Variants in DLEU7 observed in about 807,000 individuals in gnomAD.
DLEU7 encodes the protein deleted in lymphocytic leukemia 7.
In DLEU7, 17 loss-of-function variants were observed where a neutral mutation model predicts 16.0. The observed-to-expected ratio is 1.06, with a 90% CI of 0.73 to 1.59. DLEU7 has a LOEUF of 1.59. Ranked by LOEUF, DLEU7 falls within the 40% of genes most tolerant of loss-of-function variation. The pLI is 0.00. For synonymous variants in DLEU7, 113 were observed against 139.8 expected, an observed-to-expected ratio of 0.81 and a Z score of 1.35; for missense variants, 308 against 314.9, an observed-to-expected ratio of 0.98 and a Z score of 0.17.
chr13:50,809,221 C>T (rs1876489429), intron 1 of DLEU7, among the ~76,000 whole-genome samples: 1 of 151,920 alleles, frequency 6.6e-6, no homozygotes, highest in African/African-American at 2.4e-5. Context: ...AAAGTAAAAC[C>T]GAAGAAATTT....
intron 1 of DLEU7, among the ~76,000 whole-genome samples, chr13:50,759,646 T>C (rs1179813044): frequency 6.6e-6 from 1 of 152,190 alleles, no homozygotes; most frequent in Non-Finnish European, 1.5e-5. Flanking sequence ...TGGCCCCCAG[T>C]GTCACTCTCT....
intron 1 of DLEU7, among the ~76,000 whole-genome samples, chr13:50,728,062 G>A (rs1247087566): frequency 6.6e-6 from 1 of 152,228 alleles, no homozygotes; most frequent in African/African-American, 2.4e-5. Flanking sequence ...AGACTTTGAA[G>A]TGCACCTCAG....
intron 1 of DLEU7, among the ~76,000 whole-genome samples, chr13:50,834,635 G>C (rs1045369453): frequency 2.0e-5 from 3 of 152,126 alleles, no homozygotes; most frequent in Non-Finnish European, 4.4e-5. Flanking sequence ...ACAGTGTGGT[G>C]ATTCCTCAAG....
At chr13:50,810,185 G>GAAAAA (rs5803535) in intron 1 of DLEU7, among the ~76,000 whole-genome samples, 1 of 129,990 alleles carries the variant, frequency 7.7e-6, no homozygotes, top group African/African-American at 2.8e-5. Context: ...AGAAATTCTG[G>GAAAAA]AAAAAAAAAA....
chr13:50,800,843 T>C (rs1355891442), intron 1 of DLEU7, among the ~76,000 whole-genome samples: 1 of 152,152 alleles, frequency 6.6e-6, no homozygotes, highest in Non-Finnish European at 1.5e-5. Context: ...CTTGGACTTT[T>C]CTGTCTCCTT....
intron 1 of DLEU7, among the ~76,000 whole-genome samples, chr13:50,834,450 A>C (rs1877385598): frequency 6.6e-6 from 1 of 152,134 alleles, no homozygotes; most frequent in African/African-American, 2.4e-5. Context: ...AAAACTCATC[A>C]TCACTGGTCA....
chr13:50,755,172 G>A (rs1466056398), intron 1 of DLEU7, among the ~76,000 whole-genome samples: 1 of 152,180 alleles, frequency 6.6e-6, no homozygotes, highest in Non-Finnish European at 1.5e-5. Context: ...GTGTGTAGGT[G>A]ATGATCTTTT....
intron 1 of DLEU7, among the ~76,000 whole-genome samples, chr13:50,756,494 G>C (rs563089240): frequency 1.5e-3 from 224 of 152,250 alleles, no homozygotes; most frequent in Non-Finnish European, 2.8e-3. Flanking sequence ...TCAGGGAAGT[G>C]GGGGAAAGCC....
intron 1 of DLEU7, among the ~76,000 whole-genome samples, chr13:50,776,710 T>TTAAA (rs1199054315): frequency 6.6e-6 from 1 of 152,198 alleles, no homozygotes; most frequent in Non-Finnish European, 1.5e-5. Flanking sequence ...ATCTCACTCT[T>TTAAA]TAAAGAGTTT....
At chr13:50,806,025 T>C (rs775812211) in intron 1 of DLEU7, among the ~76,000 whole-genome samples, 1 of 152,210 alleles carries the variant, frequency 6.6e-6, no homozygotes, top group Non-Finnish European at 1.5e-5. Context: ...TCCATTTACA[T>C]TTCAGTATGT....
At chr13:50,802,345 C>G (rs1324662990) in intron 1 of DLEU7, among the ~76,000 whole-genome samples, 1 of 152,042 alleles carries the variant, frequency 6.6e-6, no homozygotes, top group Non-Finnish European at 1.5e-5. Context: ...CCATTTGGTT[C>G]CACTAAACAG....
chr13:50,730,323 G>C (rs1873881674), intron 1 of DLEU7, among the ~76,000 whole-genome samples: 1 of 152,074 alleles, frequency 6.6e-6, no homozygotes, highest in Admixed American at 6.5e-5. Context: ...TAAGCAGAAT[G>C]GTTGTGGTAG....
At chr13:50,818,566 C>T (rs1160332796), downstream of DLEU7, 6 of 152,134 alleles carry the variant, frequency 3.9e-5, no homozygotes, top group South Asian at 2.1e-4. Context: ...ACATCCCTGT[C>T]GCTTTCGTTC....
intron 1 of DLEU7, among the ~76,000 whole-genome samples, chr13:50,784,241 G>T (rs1053102533): frequency 1.3e-5 from 2 of 152,160 alleles, no homozygotes; most frequent in South Asian, 4.1e-4. Flanking sequence ...ATTAAAGAAG[G>T]ATTTTTTCCT....
downstream of DLEU7, chr13:50,818,683 C>G (rs1316763459): frequency 6.6e-6 from 1 of 152,118 alleles, no homozygotes; most frequent in African/African-American, 2.4e-5. Context: ...GTTCTGAAGA[C>G]CAGAAGCCCC....
chr13:50,713,042 A>C, exon 2 of DLEU7: 1 of 641,756 alleles, frequency 1.6e-6, no homozygotes. Flanking sequence ...ATAAGAAGTC[A>C]GAGATCCACA....
chr13:50,787,185 G>A lies in DLEU7; in HGVS notation c.459+56003C>T, dbSNP rs529843856. 1.1e-4 allele frequency among the ~76,000 whole-genome samples: 16 copies of A among 152,280 alleles called. No individual in the cohort carries two copies. The South Asian group carries it at 2.9e-3, about 28-fold the overall frequency. ...AAAAGTCCTTAAAACAGTGCCTGGC[G>A]TTTACTTAGTAAATGCTGTACTGAC... On this transcript the variant is annotated intron_variant, in intron 1 of 1. Coordinates refer to the DLEU7 transcript ENST00000400393.
intron 1 of DLEU7, among the ~76,000 whole-genome samples, chr13:50,787,544 C>T (rs1350421474): frequency 6.6e-6 from 1 of 152,090 alleles, no homozygotes; most frequent in Non-Finnish European, 1.5e-5. Context: ...CCTGAACCAC[C>T]TCCCACTTGC....
chr13:50,823,108 T>A lies in DLEU7; in HGVS notation c.*206A>T. The A allele has an allele frequency of 1.5e-6, 2 of 1,365,356 alleles. No homozygotes were observed. Among genetic ancestry groups the A allele is most frequent in the Non-Finnish European group, 9.4e-7 (1 of 1,059,434 alleles). The allele number at this position is 1,365,356 out of a possible 1,614,324, so 84.6% of individuals were successfully genotyped here. A position where few individuals can be genotyped will look rare whatever the true frequency, so the allele number is the denominator to read the frequency against. ...GCAAATAGGTCAATATACTTAAAAA[T>A]ATGAACTACTGCTTTAAAAAAATTT... On this transcript the variant is annotated 3_prime_UTR_variant, in exon 2 of 2. Transcript: ENST00000504404.
Sources: allele counts gnomAD v4.1 joint callset (sites outside exome capture counted in the v4.1 genomes callset), GRCh38; gene constraint gnomAD v4.1.1; transcripts MANE v1.5; gene names NCBI Gene and HGNC (gene_info 2026-07-23, HGNC 2026-07-21).